Variants in BABAM2 observed in about 807,000 individuals in gnomAD.
BABAM2 encodes BRISC and BRCA1-A complex member 2.
Under a neutral mutation model 54.7 loss-of-function variants are expected in BABAM2, and 31 were observed. The ratio of observed to expected loss-of-function variants is 0.57; its 90% CI spans 0.43 to 0.77. BABAM2 has a LOEUF of 0.77. Among genes scored for constraint, BABAM2 ranks in the 30% least tolerant of loss-of-function variants. The pLI, the probability that BABAM2 is intolerant of heterozygous loss-of-function variation, is 0.00. For missense variants in BABAM2, 364 were observed against 455.8 expected (o/e 0.80, Z 1.83); for synonymous variants, 167 against 162.9 (o/e 1.03, Z -0.19).
At chr2:28,006,335 T>C (rs1035210633) in intron 4 of BABAM2, among the ~76,000 whole-genome samples, 2 of 152,102 alleles carry the variant, frequency 1.3e-5, no homozygotes, top group Non-Finnish European at 2.9e-5. Context: ...ACCATCCTGG[T>C]TTCTAAATTT....
intron 6 of BABAM2, among the ~76,000 whole-genome samples, chr2:28,066,178 T>A (rs144309358): frequency 2.0e-5 from 3 of 149,522 alleles, no homozygotes; most frequent in Non-Finnish European, 4.5e-5. Flanking sequence ...AAAAAATAAA[T>A]AAATAAAAAA....
At chr2:28,026,936 A>G (rs1367002844) in intron 5 of BABAM2, among the ~76,000 whole-genome samples, 1 of 10,640 alleles carries the variant, frequency 9.4e-5, no homozygotes, top group African/African-American at 1.3e-4. Context: ...AAATATATAT[A>G]TAAATATATA....
At chr2:27,951,817 C>T (rs754068735) in intron 3 of BABAM2, among the ~76,000 whole-genome samples, 12 of 152,084 alleles carry the variant, frequency 7.9e-5, no homozygotes, top group South Asian at 2.1e-4. Context: ...GAGCAGTATA[C>T]GCTGCACCCT....
intron 7 of BABAM2, among the ~76,000 whole-genome samples, chr2:28,140,267 G>A (rs1244630912): frequency 6.6e-6 from 1 of 152,090 alleles, no homozygotes; most frequent in Non-Finnish European, 1.5e-5. Flanking sequence ...AGAAACCAAT[G>A]TATAAAAAAG....
chr2:28,196,834 G>GTTTTTTTT (rs1316220461), intron 7 of BABAM2, among the ~76,000 whole-genome samples: 4 of 26,394 alleles, frequency 1.5e-4, no homozygotes, highest in Non-Finnish European at 2.4e-4. Context: ...GTGAGACCCT[G>GTTTTTTTT]TCTTTTTTTT....
At chr2:28,026,923 TA>T (rs1675844505) in intron 5 of BABAM2, among the ~76,000 whole-genome samples, 1 of 29,444 alleles carries the variant, frequency 3.4e-5, no homozygotes, top group African/African-American at 9.1e-5. Flanking sequence ...TATTAATATA[TA>T]TAAATATATA....
intron 5 of BABAM2, among the ~76,000 whole-genome samples, chr2:28,028,015 G>A (rs1364042596): frequency 6.6e-6 from 1 of 152,126 alleles, no homozygotes; most frequent in Non-Finnish European, 1.5e-5. Context: ...AGCAATCTGG[G>A]TAGGTCCTTT....
chr2:28,244,240 C>G (rs1682713971), intron 9 of BABAM2, among the ~76,000 whole-genome samples: 1 of 151,988 alleles, frequency 6.6e-6, no homozygotes, highest in South Asian at 2.1e-4. Flanking sequence ...TTGCCCTAAC[C>G]CAGCTCAAGA....
intron 7 of BABAM2, among the ~76,000 whole-genome samples, chr2:28,149,090 A>G (rs1449497333): frequency 1.3e-5 from 2 of 152,170 alleles, no homozygotes; most frequent in South Asian, 2.1e-4. Flanking sequence ...TGCTAAGCCC[A>G]TTGTACTATT....
intron 11 of BABAM2, among the ~76,000 whole-genome samples, chr2:28,315,919 T>C (rs1258426525): frequency 5.9e-5 from 9 of 152,186 alleles, no homozygotes; most frequent in Non-Finnish European, 1.3e-4. Flanking sequence ...CTAAGGGTCA[T>C]GCTCATGGAA....
At chr2:27,967,052 AT>A (rs1332337334) in intron 3 of BABAM2, among the ~76,000 whole-genome samples, 3 of 152,100 alleles carry the variant, frequency 2.0e-5, no homozygotes, top group African/African-American at 7.2e-5. Context: ...CAAAAATTTC[AT>A]TTCTCCAGGA....
intron 6 of BABAM2, among the ~76,000 whole-genome samples, chr2:28,074,929 G>A (rs947640687): frequency 7.2e-5 from 11 of 152,196 alleles, no homozygotes; most frequent in African/African-American, 2.7e-4. Flanking sequence ...TATTAAAGAA[G>A]TTCATTCTTC....
At chr2:28,046,124 A>G (rs1332676027) in intron 6 of BABAM2, among the ~76,000 whole-genome samples, 2 of 152,048 alleles carry the variant, frequency 1.3e-5, no homozygotes, top group Admixed American at 1.3e-4. Context: ...ATTAGTCACC[A>G]CTCCATTCTG....
At chr2:27,956,228 C>A (rs1321897959) in intron 3 of BABAM2, among the ~76,000 whole-genome samples, 3 of 151,938 alleles carry the variant, frequency 2.0e-5, no homozygotes, top group Admixed American at 2.0e-4. Context: ...TGGTTCCTAA[C>A]ATAAATGAAG....
rs113083119 is a variant in BABAM2 at position 28,123,413 on chromosome 2, C to T, written c.571-5858C>T. 5.5e-3 allele frequency among the ~76,000 whole-genome samples: 831 copies of T among 152,298 alleles called. 10 individuals are homozygous for T. The highest frequency in any genetic ancestry group is 0.019 in the African/African-American group (774 of 41,558). ...TTATCAGATTCGGTATCTTTCCTCC[C>T]ATTTTAGCCTTTTGCAGTTTCAAAT... On this transcript the variant is annotated intron_variant, in intron 6 of 11. Coordinates refer to ENST00000379624, the MANE Select transcript of BABAM2 (RefSeq NM_199191.3).
At chr2:28,215,695 CTCTG>C (rs1679860007) in intron 7 of BABAM2, among the ~76,000 whole-genome samples, 1 of 152,086 alleles carries the variant, frequency 6.6e-6, no homozygotes, top group Non-Finnish European at 1.5e-5. Flanking sequence ...ACCCATTTCC[CTCTG>C]TCTTTCTCAC....
intron 4 of BABAM2, among the ~76,000 whole-genome samples, chr2:28,024,870 T>A (rs1369081840): frequency 6.6e-6 from 1 of 152,168 alleles, no homozygotes. Flanking sequence ...ATCAAAAAAA[T>A]TAAAATTATA....
chr2:28,026,734 A>T (rs1438627827), intron 5 of BABAM2, among the ~76,000 whole-genome samples: 2 of 109,504 alleles, frequency 1.8e-5, no homozygotes, highest in Non-Finnish European at 3.7e-5. Flanking sequence ...ATTTTATATA[A>T]ATATATATTT....
At position 28,292,378 on chromosome 2, in the gene BABAM2, G is replaced by A. The variant is rs187683543; in HGVS notation, c.935-5960G>A. Among the ~76,000 whole-genome samples the A allele has an allele frequency of 2.1e-3, 316 of 152,262 alleles. 2 individuals are homozygous for A. The highest frequency in any genetic ancestry group is 0.019 in the Admixed American group (292 of 15,294). ...TTGAATGCTTTCTTAACCATGCTTG[G>A]TGGAAATATTTCTGAAATAGATTAT... On this transcript the variant is annotated intron_variant, in intron 10 of 11. Transcript: ENST00000379624.
Sources: allele counts gnomAD v4.1 joint callset (sites outside exome capture counted in the v4.1 genomes callset), GRCh38; gene constraint gnomAD v4.1.1; transcripts MANE v1.5; gene names NCBI Gene and HGNC (gene_info 2026-07-23, HGNC 2026-07-21).